Variants in FCRL6 observed in about 807,000 individuals in gnomAD.
FCRL6 encodes Fc receptor like 6.
FCRL6 carries 50 observed loss-of-function variants against 49.1 expected under a neutral mutation model. That is an observed-to-expected ratio of 1.02 (90% CI 0.81 to 1.29). The LOEUF (loss-of-function observed/expected upper bound fraction) is 1.29. Ranked by LOEUF, FCRL6 falls within the 50% of genes most tolerant of loss-of-function variation. The pLI is 0.00. For synonymous variants in FCRL6, 213 were observed against 199.6 expected (o/e 1.07, Z -0.57); for missense variants, 571 against 518.5 (o/e 1.10, Z -0.98).
intron 8 of FCRL6, among the ~76,000 whole-genome samples, chr1:159,814,525 A>G (rs1345411076): frequency 6.6e-6 from 1 of 152,036 alleles, no homozygotes; most frequent in Non-Finnish European, 1.5e-5. Flanking sequence ...TATCTCCTCC[A>G]CTACCACGCT....
intron 4 of FCRL6, 34 bp downstream of exon 4, chr1:159,809,279 G>T (rs1445930447): frequency 4.6e-6 from 7 of 1,527,844 alleles, no homozygotes; most frequent in Non-Finnish European, 6.1e-6. Flanking sequence ...TGCCCCCAGG[G>T]CCCTGGGCGT....
Position 159,809,590 on chromosome 1 carries a change from G to A in FCRL6, c.793G>A (p.Val265Met). Residue 265 changes from valine to methionine, a missense_variant, in exon 5 of 10, where the codon GTG becomes ATG. Coordinates refer to ENST00000368106, the MANE Select transcript of FCRL6 (RefSeq NM_001004310.3). The stretch of plus-strand genomic sequence containing the variant: ...TGGAACCACCTCCCTCCTCTTCCCA[G>A]TGAAGTCAGAACAGGATGCTGGGAA... ...CGGTTSLLFP[V>M]KSEQDAGNYS... is the part of the protein sequence containing the mutation. The A allele has an allele frequency of 6.2e-7, 1 of 1,614,214 alleles. No homozygotes were observed. The highest frequency in any genetic ancestry group is 2.2e-5 in the East Asian group (1 of 44,876).
intron 5 of FCRL6, 82 bp downstream of exon 5, chr1:159,809,765 C>A: frequency 1.6e-6 from 2 of 1,255,396 alleles, no homozygotes; most frequent in Non-Finnish European, 2.3e-6. Flanking sequence ...CCTCCCATCA[C>A]GACTGGCACA....
intron 2 of FCRL6, 111 bp from the exon 3 acceptor site, chr1:159,808,067 C>T (rs1261024388): frequency 1.7e-6 from 2 of 1,205,726 alleles, no homozygotes; most frequent in East Asian, 2.4e-5. Flanking sequence ...CATACCAGTG[C>T]CATCCAAGGG....
chr1:159,807,383 G>A (rs77179319), intron 2 of FCRL6, among the ~76,000 whole-genome samples: 201 of 152,326 alleles, frequency 1.3e-3, no homozygotes, highest in African/African-American at 4.7e-3. Context: ...TTATCAAAGA[G>A]ATGATACAGG....
rs1046190305 is a variant in FCRL6 at position 159,815,939 on chromosome 1, A to G, written c.*278A>G. On this transcript the variant is annotated 3_prime_UTR_variant, in exon 10 of 10. Transcript: ENST00000368106. ...CATAAGCCACAGATGTCTTCTTTCCATACAAGCATGTTAGTTCGCCCCAAT... is the reference window on the plus strand; with the variant it reads ...CATAAGCCACAGATGTCTTCTTTCCGTACAAGCATGTTAGTTCGCCCCAAT... The G allele has an allele frequency of 2.5e-6, 1 of 395,752 alleles. No homozygotes were observed. The highest frequency in any genetic ancestry group is 4.8e-6 in the Non-Finnish European group (1 of 210,086). 24.5% of individuals were successfully genotyped at this position (395,752 alleles called of 1,614,324 possible). A position where few individuals can be genotyped will look rare whatever the true frequency, so the allele number is the denominator to read the frequency against.
intron 3 of FCRL6, 103 bp downstream of exon 3, chr1:159,808,547 C>T: frequency 4.9e-6 from 7 of 1,429,458 alleles, no homozygotes; most frequent in Non-Finnish European, 6.8e-6. Flanking sequence ...CTCTGGCTGC[C>T]CCTCATGCTG....
intron 6 of FCRL6, among the ~76,000 whole-genome samples, chr1:159,811,895 C>G (rs986728570): frequency 6.6e-6 from 1 of 152,196 alleles, no homozygotes; most frequent in Non-Finnish European, 1.5e-5. Context: ...GTTTCTGTTT[C>G]TGTCCACTCA....
intron 1 of FCRL6, among the ~76,000 whole-genome samples, chr1:159,805,363 AT>A (rs10616063): frequency 2.7e-3 from 406 of 149,350 alleles, no homozygotes; most frequent in African/African-American, 8.6e-3. Context: ...CCATTCTTGC[AT>A]TTTTTTTTTG....
chr1:159,809,984 C>T (rs1361635969), intron 5 of FCRL6, 110 bp from the exon 6 acceptor site: 1 of 1,367,274 alleles, frequency 7.3e-7, no homozygotes, highest in Non-Finnish European at 1.0e-6. Flanking sequence ...CTCCCCCAGG[C>T]CAGACGGTTC....
chr1:159,809,082 C>T lies in FCRL6; in HGVS notation c.441C>T (p.Phe147=). 1 of 1,614,114 alleles carries T rather than the reference C, an allele frequency of 6.2e-7. No individual in the cohort carries two copies. Residue 147 remains phenylalanine (F), a synonymous_variant, in exon 4 of 10, where the codon TTC becomes TTT. Coordinates refer to ENST00000368106, the MANE Select transcript of FCRL6 (RefSeq NM_001004310.3). ...TGAGGTCAGCCTTGAGGCTCCTTTT[C>T]TCCTTCCACAAGGACGGCCACACCT... The part of the protein sequence containing the change: ...HPLRSALRLL[F]SFHKDGHTLQ...
chr1:159,805,811 C>A (rs1309654986), intron 1 of FCRL6, among the ~76,000 whole-genome samples: 1 of 152,226 alleles, frequency 6.6e-6, no homozygotes, highest in Non-Finnish European at 1.5e-5. Context: ...CACTTCCATA[C>A]CCTTTTTGCC....
chr1:159,803,760 G>A lies in FCRL6; in HGVS notation c.31+1305G>A, dbSNP rs532292195. Among the ~76,000 whole-genome samples the A allele has an allele frequency of 8.5e-5, 13 of 152,300 alleles. No homozygotes were observed. The South Asian group carries it at 2.7e-3, about 32-fold the overall frequency. Reference sequence around the variant, plus strand: ...GAAGGGAATCAGTGACCGGCTGACTGGTGCACAGTGTAATGGAGAATCCAG... The same window carrying A: ...GAAGGGAATCAGTGACCGGCTGACTAGTGCACAGTGTAATGGAGAATCCAG... On this transcript the variant is annotated intron_variant, in intron 1 of 9. Transcript: ENST00000368106.
intron 6 of FCRL6, among the ~76,000 whole-genome samples, chr1:159,812,728 T>C (rs943351920): frequency 5.9e-5 from 9 of 152,214 alleles, no homozygotes; most frequent in African/African-American, 9.7e-5. Context: ...TTTCCACATA[T>C]CCTACCCAGT....
At chr1:159,808,916 T>C in intron 3 of FCRL6, 45 bp from the exon 4 acceptor site, 1 of 1,520,338 alleles carries the variant, frequency 6.6e-7, no homozygotes. Context: ...TGGGGCTTCA[T>C]CATCCAGGAC....
rs182354678 is a variant in FCRL6 at position 159,809,331 on chromosome 1, G to T, written c.605-71G>T. ...CTGGGACTAAAGGAGTTGGGGGAAG[G>T]GTCCCCAGGAGAGGAGGGAGCCAGG... On this transcript the variant is annotated intron_variant, in intron 4 of 9. Transcript: ENST00000368106. 6.8e-5 allele frequency: 104 copies of T among 1,528,226 alleles called. 1 individual carries two copies. In the African/African-American group the frequency reaches 7.5e-4, roughly 11 times the overall value. 94.7% of individuals were successfully genotyped at this position (1,528,226 alleles called of 1,614,324 possible).
chr1:159,805,239 G>T (rs1357586238), intron 1 of FCRL6, among the ~76,000 whole-genome samples: 1 of 152,200 alleles, frequency 6.6e-6, no homozygotes, highest in Non-Finnish European at 1.5e-5. Flanking sequence ...GCTGAATAGA[G>T]AATTGAGCTG....
intron 1 of FCRL6, among the ~76,000 whole-genome samples, chr1:159,804,176 G>A (rs1662523621): frequency 6.6e-6 from 1 of 152,194 alleles, no homozygotes; most frequent in Non-Finnish European, 1.5e-5. Flanking sequence ...TCCCAGCAAT[G>A]TGACTGCTGC....
At chr1:159,810,747 G>A (rs1222980006) in intron 6 of FCRL6, among the ~76,000 whole-genome samples, 1 of 152,178 alleles carries the variant, frequency 6.6e-6, no homozygotes, top group African/African-American at 2.4e-5. Flanking sequence ...TTAACTATCA[G>A]AAAGGAAATA....
Sources: gnomAD v4.1 joint callset for allele counts (sites outside exome capture counted in the v4.1 genomes callset) on GRCh38, gnomAD v4.1.1 for gene constraint, MANE v1.5 for transcripts, NCBI Gene and HGNC (gene_info 2026-07-23, HGNC 2026-07-21) for gene names.